The following DEFB134 variants were observed in gnomAD, a reference collection of about 807,000 sequenced individuals.
DEFB134 encodes the protein beta-defensin 134.
A neutral mutation model predicts 7.4 loss-of-function variants in DEFB134; 7 were observed. The observed-to-expected ratio is 0.95, with a 90% CI of 0.54 to 1.79. The LOEUF (loss-of-function observed/expected upper bound fraction) is 1.79, where lower values mean the gene tolerates loss of function less well. DEFB134 is among the 40% of genes most tolerant of loss of function. The pLI is 0.00. For synonymous variants in DEFB134, 33 were observed against 25.0 expected (o/e 1.32, Z -0.96); for missense variants, 105 against 74.8 (o/e 1.40, Z -1.49).
At chr8:11,999,140 C>T (rs575096737), upstream of DEFB134, 16 of 163,946 alleles carry the variant, frequency 9.8e-5, no homozygotes, top group South Asian at 2.4e-3. Flanking sequence ...GAAGTTCATA[C>T]TAAAATTGAC....
At chr8:11,994,185 G>T (rs111399861) in intron 1 of DEFB134, 63 bp from the exon 3 acceptor site, 86,756 of 1,530,558 alleles carry the variant, frequency 0.057, 2,828 homozygotes, top group Middle Eastern at 0.095. Flanking sequence ...AAAATTGCTA[G>T]TCCCTCAATT....
intron 1 of DEFB134, among the ~76,000 whole-genome samples, chr8:11,994,794 T>C (rs1225687339): frequency 1.3e-5 from 2 of 152,186 alleles, no homozygotes; most frequent in South Asian, 4.1e-4. Flanking sequence ...CAGATTTGAG[T>C]ATGATATAGA....
chr8:11,999,290 G>A, upstream of DEFB134: 1 of 214,626 alleles, frequency 4.7e-6, no homozygotes, highest in Non-Finnish European at 1.0e-5. Flanking sequence ...AAAGAAGCCA[G>A]CAATCACTCT....
chr8:11,998,536 C>G (rs1800185699), upstream of DEFB134, among the ~76,000 whole-genome samples: 1 of 152,012 alleles, frequency 6.6e-6, no homozygotes, highest in Non-Finnish European at 1.5e-5. Context: ...TGAGACACAG[C>G]TAAAGCAGTG....
chr8:11,997,315 C>T (rs578012836), upstream of DEFB134, among the ~76,000 whole-genome samples: 41 of 152,224 alleles, frequency 2.7e-4, no homozygotes, highest in South Asian at 1.2e-3. Context: ...TATCCAGTCA[C>T]GTATTGATTG....
chr8:11,994,497 G>A (rs556049471), intron 1 of DEFB134, among the ~76,000 whole-genome samples: 19 of 152,318 alleles, frequency 1.2e-4, no homozygotes, highest in South Asian at 4.1e-4. Context: ...GCTCTCATCA[G>A]AAATTGAATC....
upstream of DEFB134, among the ~76,000 whole-genome samples, chr8:11,997,446 G>C (rs1800157006): frequency 6.6e-6 from 1 of 152,118 alleles, no homozygotes; most frequent in South Asian, 2.1e-4. Flanking sequence ...GAGTAGAAAG[G>C]CTGGGCCACA....
upstream of DEFB134, among the ~76,000 whole-genome samples, chr8:11,998,767 G>T (rs1349700198): frequency 6.6e-6 from 1 of 152,008 alleles, no homozygotes; most frequent in Non-Finnish European, 1.5e-5. Flanking sequence ...CTCTTTAAAA[G>T]AATGAATAAG....
chr8:11,996,271 G>A, exon 1 of DEFB134: 1 of 1,613,384 alleles, frequency 6.2e-7, no homozygotes. Context: ...CTTCTGTTAA[G>A]GAGGCTAGTG....
intron 1 of DEFB134, among the ~76,000 whole-genome samples, chr8:11,995,984 A>T (rs1800109093): frequency 6.6e-6 from 1 of 151,306 alleles, no homozygotes; most frequent in African/African-American, 2.4e-5. Flanking sequence ...ACTAAGGCTC[A>T]GAGAAGCTTA....
exon 2 of DEFB134, chr8:11,993,429 C>G (rs566429908): frequency 6.6e-6 from 1 of 152,428 alleles, no homozygotes; most frequent in Admixed American, 6.5e-5. Context: ...TACCTTGTTC[C>G]AGCCCATCAC....
At chr8:11,995,910 A>G (rs1288977603) in intron 1 of DEFB134, among the ~76,000 whole-genome samples, 2 of 151,360 alleles carry the variant, frequency 1.3e-5, no homozygotes, top group East Asian at 3.9e-4. Context: ...CCATATTTCC[A>G]TTTTTCAAAT....
intron 1 of DEFB134, 107 bp from the exon 3 acceptor site, chr8:11,994,229 T>C (rs1191603340): frequency 1.4e-5 from 19 of 1,333,744 alleles, no homozygotes; most frequent in South Asian, 2.9e-5. Context: ...GATTTGGTTA[T>C]GATAATTGAT....
chr8:11,996,028 G>T (rs1219733826), intron 1 of DEFB134, among the ~76,000 whole-genome samples, 166 bp downstream of exon 2: 1 of 151,440 alleles, frequency 6.6e-6, no homozygotes, highest in African/African-American at 2.4e-5. Flanking sequence ...TTAACAAGTT[G>T]GACAGCCAGA....
intron 1 of DEFB134, 45 bp from the exon 3 acceptor site, chr8:11,994,167 T>A: frequency 1.3e-6 from 2 of 1,565,604 alleles, no homozygotes; most frequent in Non-Finnish European, 1.7e-6. Context: ...CAGGCCTTTT[T>A]GGACCATAAA....
chr8:12,000,277 A>C (rs118084814), upstream of DEFB134, among the ~76,000 whole-genome samples: 105 of 152,136 alleles, frequency 6.9e-4, no homozygotes, highest in East Asian at 0.02. Flanking sequence ...TATATCAATT[A>C]TTTGTGTCTC....
chr8:11,995,328 T>A (rs1433184097), intron 1 of DEFB134, among the ~76,000 whole-genome samples: 1 of 152,190 alleles, frequency 6.6e-6, no homozygotes, highest in Non-Finnish European at 1.5e-5. Context: ...ATTCTTAAAT[T>A]TAGCCTGGTG....
rs554643822 is a variant in DEFB134, at chr8:11,993,920, T to C, written c.*60A>G. ...ACAGTTTGATCTAAATTCCCTGGTT[T>C]TGTGAAAGATGGCAGAATCAAGGGC... On this transcript the variant is annotated 3_prime_UTR_variant, in exon 2 of 2. Coordinates refer to ENST00000526438, the Ensembl canonical transcript of DEFB134. 48 of 1,574,582 alleles carry C rather than the reference T, an allele frequency of 3.0e-5. No individual in the cohort carries two copies. In the African/African-American group the frequency reaches 6.4e-4, roughly 21 times the overall value.
At chr8:12,000,696 A>C (rs980251230), upstream of DEFB134, among the ~76,000 whole-genome samples, 1 of 152,232 alleles carries the variant, frequency 6.6e-6, no homozygotes, top group Non-Finnish European at 1.5e-5. Context: ...TGTCTCCCCC[A>C]AAATATCTTA....
Sources: allele counts gnomAD v4.1 joint callset (sites outside exome capture counted in the v4.1 genomes callset), GRCh38; gene constraint gnomAD v4.1.1; transcripts MANE v1.5; gene names NCBI Gene and HGNC (gene_info 2026-07-23, HGNC 2026-07-21).